The following ARHGAP35 variants were observed in gnomAD, a reference collection of about 807,000 sequenced individuals.
The protein encoded by ARHGAP35 is rho GTPase-activating protein 35.
Under a neutral mutation model 111.1 loss-of-function variants are expected in ARHGAP35, and 15 were observed. The observed-to-expected ratio is 0.13, with a 90% confidence interval of 0.09 to 0.21. The LOEUF is 0.21. Among genes scored for constraint, ARHGAP35 ranks in the 10% least tolerant of loss-of-function variants. ARHGAP35 has a pLI of 1.00. For synonymous variants in ARHGAP35, 643 were observed against 710.3 expected, an observed-to-expected ratio of 0.91 and a Z score of 1.51; for missense variants, 1,262 against 1,873.0, an observed-to-expected ratio of 0.67 and a Z score of 6.02.
intron 1 of ARHGAP35, among the ~76,000 whole-genome samples, chr19:46,904,511 C>T (rs973182895): frequency 2.6e-5 from 4 of 152,198 alleles, no homozygotes; most frequent in Admixed American, 2.6e-4. Flanking sequence ...CAGAAAGCAT[C>T]TGGCTCCCAG....
At chr19:46,914,910 T>TC (rs1283222846) in intron 1 of ARHGAP35, among the ~76,000 whole-genome samples, 1 of 152,122 alleles carries the variant, frequency 6.6e-6, no homozygotes, top group Non-Finnish European at 1.5e-5. Context: ...CATGCAGAGG[T>TC]CACTTTAAGT....
chr19:46,887,216 G>C (rs141378672), intron 1 of ARHGAP35, among the ~76,000 whole-genome samples: 1 of 152,034 alleles, frequency 6.6e-6, no homozygotes, highest in South Asian at 2.1e-4. Flanking sequence ...GGGTGGGGGA[G>C]CATATATGGA....
chr19:46,988,416 A>G lies in ARHGAP35; in HGVS notation c.3904+350A>G, dbSNP rs2056662681. On this transcript the variant is annotated intron_variant, in intron 4 of 6. Transcript: ENST00000672722. The surrounding 1 kb of genome is among the most constrained non-coding windows in gnomAD (Gnocchi z 5.4). ...GCTAGTTGCAGGCACATGATATACA[A>G]GTCGGGTTGAGATGTGATCCTGTTT... 2 of 272,554 alleles carry G rather than the reference A, an allele frequency of 7.3e-6. No individual in the cohort carries two copies. Among genetic ancestry groups the G allele is most frequent in the Non-Finnish European group, 1.5e-5 (2 of 137,278 alleles). The allele number at this position is 272,554 out of a possible 1,614,324, so 16.9% of individuals were successfully genotyped here.
intron 1 of ARHGAP35, among the ~76,000 whole-genome samples, chr19:46,891,867 C>T (rs1160316728): frequency 2.6e-5 from 4 of 152,204 alleles, no homozygotes; most frequent in East Asian, 1.9e-4. Context: ...ACTGGCCAGG[C>T]GCGATGGCTC....
intron 3 of ARHGAP35, among the ~76,000 whole-genome samples, chr19:46,970,768 TCAGGGAGGC>T (rs1468849144): frequency 6.6e-6 from 1 of 151,892 alleles, no homozygotes; most frequent in African/African-American, 2.4e-5. Flanking sequence ...CAAAAGGAGG[TCAGGGAGGC>T]CAGGGAGGGC....
chr19:46,870,274 T>G (rs2055880814), intron 1 of ARHGAP35, among the ~76,000 whole-genome samples: 1 of 151,450 alleles, frequency 6.6e-6, no homozygotes, highest in East Asian at 2.0e-4. Flanking sequence ...ATGCTGTCAA[T>G]GTATAAGAAA....
intron 3 of ARHGAP35, among the ~76,000 whole-genome samples, chr19:46,952,447 G>A (rs778666230): frequency 6.6e-6 from 1 of 152,130 alleles, no homozygotes; most frequent in East Asian, 1.9e-4. Flanking sequence ...TGAATGATTC[G>A]CTGTTTCTCC....
At chr19:46,928,334 T>C (rs1465543889) in intron 2 of ARHGAP35, among the ~76,000 whole-genome samples, 1 of 152,224 alleles carries the variant, frequency 6.6e-6, no homozygotes, top group Non-Finnish European at 1.5e-5. Flanking sequence ...CTGGTGATAC[T>C]GAAATACCTT....
chr19:46,916,723 A>G (rs1308415625), intron 1 of ARHGAP35, among the ~76,000 whole-genome samples: 2 of 100,506 alleles, frequency 2.0e-5, no homozygotes, highest in African/African-American at 7.4e-5. Flanking sequence ...ACCCAGATTC[A>G]TCTATTTTTT....
chr19:46,942,009 TTTATGG>T (rs2056350288), intron 3 of ARHGAP35, among the ~76,000 whole-genome samples: 1 of 152,140 alleles, frequency 6.6e-6, no homozygotes, highest in Non-Finnish European at 1.5e-5. Context: ...AGTTTGTACT[TTTATGG>T]AATTTCAGAA....
At chr19:46,954,903 C>T (rs927925804) in intron 3 of ARHGAP35, among the ~76,000 whole-genome samples, 1 of 152,096 alleles carries the variant, frequency 6.6e-6, no homozygotes, top group African/African-American at 2.4e-5. Flanking sequence ...TGTCAGGAGC[C>T]GTTTGGGCTT....
chr19:46,902,737 C>G (rs1423154480), intron 1 of ARHGAP35, among the ~76,000 whole-genome samples: 1 of 152,136 alleles, frequency 6.6e-6, no homozygotes, highest in East Asian at 1.9e-4. Context: ...TTAATCGCCA[C>G]GGCCCCCTCT....
At chr19:46,967,984 A>G (rs373614432) in intron 3 of ARHGAP35, among the ~76,000 whole-genome samples, 1 of 152,148 alleles carries the variant, frequency 6.6e-6, no homozygotes, top group Non-Finnish European at 1.5e-5. Flanking sequence ...CACGTAGCAC[A>G]CTGTACTCTG....
chr19:46,954,862 C>T (rs2056430549), intron 3 of ARHGAP35, among the ~76,000 whole-genome samples: 1 of 152,148 alleles, frequency 6.6e-6, no homozygotes, highest in Non-Finnish European at 1.5e-5. Flanking sequence ...TTTTAAAAGC[C>T]ACAACAGAAA....
At chr19:46,978,421 T>C (rs988685542) in intron 3 of ARHGAP35, among the ~76,000 whole-genome samples, 1 of 151,986 alleles carries the variant, frequency 6.6e-6, no homozygotes, top group Non-Finnish European at 1.5e-5. Context: ...TACTTGGGCC[T>C]GCCGTGGAAA....
At chr19:46,970,049 C>T (rs1401950360) in intron 3 of ARHGAP35, among the ~76,000 whole-genome samples, 1 of 152,184 alleles carries the variant, frequency 6.6e-6, no homozygotes, top group East Asian at 1.9e-4. Flanking sequence ...CCATAGTAGG[C>T]ACTCGGGTAT....
chr19:46,984,928 G>T (rs979011259), intron 3 of ARHGAP35, among the ~76,000 whole-genome samples: 1 of 152,198 alleles, frequency 6.6e-6, no homozygotes, highest in Non-Finnish European at 1.5e-5. Context: ...AAGGTGATGT[G>T]CGGCCCTCGG....
intron 1 of ARHGAP35, among the ~76,000 whole-genome samples, chr19:46,887,738 C>T (rs2055999590): frequency 6.6e-6 from 1 of 152,118 alleles, no homozygotes. Context: ...GGGGTATTCT[C>T]CTGCTACACC....
chr19:47,000,307 C>T lies in ARHGAP35; in HGVS notation c.4143-24C>T, dbSNP rs762023243. Reference sequence around the variant, plus strand: ...AGGTGGGGCCCTGCACAGTTCTGACCATTGAGTTTGGTGTCGCCCGCAGGG... The same window carrying T: ...AGGTGGGGCCCTGCACAGTTCTGACTATTGAGTTTGGTGTCGCCCGCAGGG... On this transcript the variant is annotated intron_variant, in intron 6 of 6. Coordinates refer to ENST00000672722, the MANE Select transcript of ARHGAP35 (RefSeq NM_004491.5). The surrounding 1 kb of genome is among the most constrained non-coding windows in gnomAD (Gnocchi z 6.9). The T allele has an allele frequency of 1.9e-6, 3 of 1,609,934 alleles. No homozygotes were observed. The highest frequency in any genetic ancestry group is 2.5e-6 in the Non-Finnish European group (3 of 1,177,638).
Sources: gnomAD v4.1 joint callset for allele counts (sites outside exome capture counted in the v4.1 genomes callset) on GRCh38, gnomAD v4.1.1 for gene constraint, Gnocchi (gnomAD v3.1) non-coding constraint, MANE v1.5 for transcripts, NCBI Gene and HGNC (gene_info 2026-07-23, HGNC 2026-07-21) for gene names.